Variants in IL31RA observed in about 807,000 individuals in gnomAD.
IL31RA encodes the protein interleukin-31 receptor subunit alpha.
IL31RA carries 66 observed loss-of-function variants against 83.7 expected under a neutral mutation model. That is an observed-to-expected ratio of 0.79 (90% CI 0.65 to 0.97). The LOEUF (loss-of-function observed/expected upper bound fraction) is 0.97, where lower values mean the gene tolerates loss of function less well. IL31RA is among the 50% of genes least tolerant of loss of function. The pLI, the probability that IL31RA is intolerant of heterozygous loss-of-function variation, is 0.00. For synonymous variants in IL31RA, 325 were observed against 329.0 expected (o/e 0.99, Z 0.13); for missense variants, 798 against 919.4 (o/e 0.87, Z 1.71).
chr5:55,915,066 T>C (rs923083084), intron 14 of IL31RA, 138 bp downstream of exon 14: 3 of 732,616 alleles, frequency 4.1e-6, no homozygotes, highest in Non-Finnish European at 7.3e-6. Flanking sequence ...TCTCAGGGAA[T>C]GGCAGGCAGG....
the IL31RA span, among the ~76,000 whole-genome samples, chr5:55,843,248 G>T: frequency 6.6e-6 from 1 of 152,120 alleles, no homozygotes; most frequent in Non-Finnish European, 1.5e-5. Flanking sequence ...CAGAAATCAT[G>T]GTGGAAAGAA....
chr5:55,875,173 G>C (rs1353816313), intron 4 of IL31RA, among the ~76,000 whole-genome samples: 3 of 152,070 alleles, frequency 2.0e-5, no homozygotes, highest in Non-Finnish European at 2.9e-5. Context: ...TACATTGACT[G>C]GTTTTCATAA....
chr5:55,916,790 A>C lies in IL31RA; in HGVS notation c.1965A>C (p.Glu655Asp). 1 of 1,614,196 alleles carries C rather than the reference A, an allele frequency of 6.2e-7. No homozygotes were observed. Among genetic ancestry groups the C allele is most frequent in the Admixed American group, 1.7e-5 (1 of 60,024 alleles). The change falls in exon 15 of 15, where the codon GAA (glutamate) becomes GAC (aspartate). Residue 655 changes from glutamate (E) to aspartate (D), a missense_variant. Glu to Asp is a conservative substitution (Grantham distance 45, BLOSUM62 2). Transcript: ENST00000652347. ...TTCTGCAAGAAATTTTCACAGATGAAGCCAGAACGGGTCAGGAAAACAATT... is the reference window on the plus strand; with the variant it reads ...TTCTGCAAGAAATTTTCACAGATGACGCCAGAACGGGTCAGGAAAACAATT... Reference protein sequence around the residue: ...GNVLQEIFTDEARTGQENNLG... With the variant: ...GNVLQEIFTDDARTGQENNLG...
upstream of IL31RA, among the ~76,000 whole-genome samples, chr5:55,851,020 G>T (rs1290247991): frequency 6.6e-6 from 1 of 152,038 alleles, no homozygotes; most frequent in Non-Finnish European, 1.5e-5. Context: ...ACTTCAACCC[G>T]GGAGGTGGAG....
intron 5 of IL31RA, among the ~76,000 whole-genome samples, chr5:55,887,132 T>C (rs1747667856): frequency 6.6e-6 from 1 of 152,262 alleles, no homozygotes. Context: ...TGTATGATAT[T>C]ATGAGTAACA....
intron 2 of IL31RA, among the ~76,000 whole-genome samples, chr5:55,867,266 TGC>T (rs1421539169): frequency 1.7e-3 from 16 of 9,510 alleles, no homozygotes; most frequent in Middle Eastern, 0.056. Flanking sequence ...TGTGTTTGTG[TGC>T]GTGTGTGTGC....
At chr5:55,881,674 C>G (rs1195039181) in intron 4 of IL31RA, among the ~76,000 whole-genome samples, 1 of 148,786 alleles carries the variant, frequency 6.7e-6, no homozygotes, top group Non-Finnish European at 1.5e-5. Context: ...GCCATTTTGC[C>G]TCTTAATGGC....
chr5:55,883,053 A>T lies in IL31RA; in HGVS notation c.464A>T (p.Glu155Val), dbSNP rs779733781. The T allele has an allele frequency of 6.2e-7, 1 of 1,613,878 alleles. No homozygotes were observed. The highest frequency in any genetic ancestry group is 1.3e-5 in the African/African-American group (1 of 74,902). ...TGATTTTTATTTTCAGCGAAAACTG[A>T]ACCACCTAAGATTTTCCGTGTGAAA... The part of the protein sequence containing the change: ...YWRLENIAKT[E>V]PPKIFRVKPV... Residue 155 changes from glutamate (E) to valine (V), a missense_variant, in exon 5 of 15, where the codon GAA (glutamate) becomes GTA (valine). Physicochemically the swap from Glu to Val is moderately radical, Grantham distance 121. Transcript: ENST00000652347.
chr5:55,867,089 G>GTGTGTGTGTGTGTGCGCGCA (rs1554085182), intron 2 of IL31RA, among the ~76,000 whole-genome samples: 5 of 84,430 alleles, frequency 5.9e-5, no homozygotes, highest in African/African-American at 1.5e-4. Context: ...GTGTGTTTGT[G>GTGTGTGTGTGTGTGCGCGCA]TGTGTGTGTT....
chr5:55,855,379 C>G (rs1392927323), intron 1 of IL31RA, among the ~76,000 whole-genome samples: 1 of 151,880 alleles, frequency 6.6e-6, no homozygotes, highest in Non-Finnish European at 1.5e-5. Context: ...TAGTCTTGAA[C>G]TCCTGGTTTG....
intron 6 of IL31RA, among the ~76,000 whole-genome samples, 181 bp from the exon 7 acceptor site, chr5:55,896,169 A>T (rs1304453545): frequency 6.6e-6 from 1 of 152,152 alleles, no homozygotes; most frequent in African/African-American, 2.4e-5. Flanking sequence ...GGTTGATTCC[A>T]GTTCCTTGAC....
intron 2 of IL31RA, among the ~76,000 whole-genome samples, chr5:55,865,168 T>C (rs1332095741): frequency 1.3e-5 from 2 of 152,200 alleles, no homozygotes; most frequent in Non-Finnish European, 2.9e-5. Flanking sequence ...TGGTGTAGCT[T>C]TCAATCTCTA....
chr5:55,856,520 C>T (rs149302568), intron 1 of IL31RA, among the ~76,000 whole-genome samples: 32 of 152,320 alleles, frequency 2.1e-4, no homozygotes, highest in African/African-American at 7.5e-4. Flanking sequence ...GAGGCTGATT[C>T]ACCTCATTTA....
At chr5:55,913,726 G>A (rs373106524) in intron 13 of IL31RA, among the ~76,000 whole-genome samples, 156 bp downstream of exon 13, 2 of 152,214 alleles carry the variant, frequency 1.3e-5, no homozygotes, top group Admixed American at 1.3e-4. Context: ...TAAAGGCCAC[G>A]CTCAGTGGCT....
intron 12 of IL31RA, among the ~76,000 whole-genome samples, chr5:55,913,157 C>G (rs1015545326): frequency 6.6e-6 from 1 of 151,980 alleles, no homozygotes; most frequent in Non-Finnish European, 1.5e-5. Context: ...ACAGCATGAT[C>G]AGCGCTCACT....
In IL31RA at chr5:55,918,752, T is replaced by C. The variant is rs1369212606; in HGVS notation, c.*1632T>C. 6.6e-6 allele frequency among the ~76,000 whole-genome samples: 1 copy of C among 152,008 alleles called. No homozygotes were observed. The highest frequency in any genetic ancestry group is 1.9e-4 in the East Asian group (1 of 5,174). On this transcript the variant is annotated 3_prime_UTR_variant, in exon 15 of 15. Transcript: ENST00000652347. ...TGTGGGCACAGGAAGGTGTGGCTGC[T>C]CTCTCAAAGCTCTGTCCTCCTAACA...
At chr5:55,910,300 T>G (rs190817629) in intron 11 of IL31RA, among the ~76,000 whole-genome samples, 1 of 152,350 alleles carries the variant, frequency 6.6e-6, no homozygotes, top group East Asian at 1.9e-4. Flanking sequence ...ATTGTGAAAT[T>G]CAAGGTTGTG....
intron 2 of IL31RA, among the ~76,000 whole-genome samples, chr5:55,861,055 C>A (rs1276224722): frequency 6.6e-6 from 1 of 152,188 alleles, no homozygotes; most frequent in Non-Finnish European, 1.5e-5. Context: ...ACTTAATTAC[C>A]TCTTCAAGTG....
chr5:55,890,907 CCAGGTGTCTTTGGGCAAGATACCT>C (rs1747948148), intron 6 of IL31RA, among the ~76,000 whole-genome samples: 1 of 152,198 alleles, frequency 6.6e-6, no homozygotes, highest in Non-Finnish European at 1.5e-5. Context: ...AAATCCCAAG[CCAGGTGTCTTTGGGCAAGATACCT>C]AAACTCTCAG....
Sources: gnomAD v4.1 joint callset for allele counts (sites outside exome capture counted in the v4.1 genomes callset) on GRCh38, gnomAD v4.1.1 for gene constraint, MANE v1.5 for transcripts, NCBI Gene and HGNC (gene_info 2026-07-23, HGNC 2026-07-21) for gene names.